Variants in LRRC8C observed in about 807,000 individuals in gnomAD.
LRRC8C encodes leucine rich repeat containing 8 VRAC subunit C, also known as volume-regulated anion channel subunit LRRC8C.
A neutral mutation model predicts 55.3 loss-of-function variants in LRRC8C; 20 were observed. That is an observed-to-expected ratio of 0.36 (90% CI 0.25 to 0.53). The LOEUF is 0.53. LRRC8C is among the 20% of genes least tolerant of loss of function. The pLI is 0.92. For missense variants in LRRC8C, 659 were observed against 951.4 expected, an observed-to-expected ratio of 0.69 and a Z score of 4.04; for synonymous variants, 376 against 360.7, an observed-to-expected ratio of 1.04 and a Z score of -0.48.
the LRRC8C span, chr1:89,625,290 T>A: frequency 6.6e-6 from 1 of 152,172 alleles, no homozygotes; most frequent in African/African-American, 2.4e-5. Context: ...TCTTTCCCAA[T>A]CCTCTCATTT....
At chr1:89,657,696 G>A (rs1656988349) in intron 1 of LRRC8C, among the ~76,000 whole-genome samples, 1 of 144,326 alleles carries the variant, frequency 6.9e-6, no homozygotes, top group African/African-American at 2.6e-5. Context: ...AGCTCAGATT[G>A]CGCCACTTAC....
intron 1 of LRRC8C, among the ~76,000 whole-genome samples, chr1:89,685,101 C>CTTTTTTTTTTTT (rs11316114): frequency 2.6e-5 from 2 of 76,164 alleles, no homozygotes; most frequent in African/African-American, 5.1e-5. Flanking sequence ...CTATCTAGTT[C>CTTTTTTTTTTTT]TTTTTTTTTT....
rs529361925 is a variant in LRRC8C, at chr1:89,661,174, A to G, written c.-4-25296A>G. 5.3e-4 allele frequency: 100 copies of G among 188,022 alleles called. No individual in the cohort carries two copies. In the Middle Eastern group the frequency reaches 6.0e-3, roughly 11 times the overall value. 11.6% of individuals were successfully genotyped at this position (188,022 alleles called of 1,614,324 possible). On this transcript the variant is annotated intron_variant, in intron 1 of 2. Coordinates refer to ENST00000370454, the MANE Select transcript of LRRC8C (RefSeq NM_032270.5). ...AAATTGTGTGGATGGCTTCTGGAAG[A>G]CCTTCATTCTAAAGCAGCTTTATAG...
the LRRC8C span, among the ~76,000 whole-genome samples, chr1:89,627,754 CCT>C: frequency 6.6e-6 from 1 of 152,088 alleles, no homozygotes; most frequent in Non-Finnish European, 1.5e-5. Context: ...TTACAATGGG[CCT>C]CTGTTTTCTC....
At chr1:89,636,381 A>T (rs1656282149) in intron 1 of LRRC8C, among the ~76,000 whole-genome samples, 1 of 152,236 alleles carries the variant, frequency 6.6e-6, no homozygotes. Context: ...TCTGATTCTT[A>T]GCATCTTTAA....
chr1:89,633,529 C>T lies in LRRC8C; in HGVS notation c.-5+207C>T, dbSNP rs1401311007. ...TACTGCGGCTCAGGAGCCCGCCAAC[C>T]CCTACCCCACCCAATCCGCGCTAGC... On this transcript the variant is annotated intron_variant, in intron 1 of 2. Transcript: ENST00000370454. 2.0e-5 allele frequency among the ~76,000 whole-genome samples: 3 copies of T among 152,212 alleles called. 1 individual carries two copies. Among genetic ancestry groups the T allele is most frequent in the South Asian group, 4.1e-4 (2 of 4,836 alleles).
intron 1 of LRRC8C, among the ~76,000 whole-genome samples, chr1:89,678,716 G>GAAA (rs1657618910): frequency 4.2e-5 from 6 of 144,354 alleles, no homozygotes; most frequent in East Asian, 2.0e-4. Context: ...AAAAAAAAAC[G>GAAA]AAAGGAAGAA....
chr1:89,674,046 T>C (rs1657488269), intron 1 of LRRC8C, among the ~76,000 whole-genome samples: 1 of 152,248 alleles, frequency 6.6e-6, no homozygotes, highest in African/African-American at 2.4e-5. Flanking sequence ...TTCTTTGTGA[T>C]GACTTTTCAG....
chr1:89,616,405 C>A, the LRRC8C span, among the ~76,000 whole-genome samples: 2 of 152,136 alleles, frequency 1.3e-5, no homozygotes, highest in African/African-American at 2.4e-5. Flanking sequence ...CAAGTGTGCC[C>A]GAGGCAACTG....
intron 1 of LRRC8C, among the ~76,000 whole-genome samples, chr1:89,633,581 C>T (rs1329844090): frequency 6.6e-6 from 1 of 152,216 alleles, no homozygotes; most frequent in African/African-American, 2.4e-5. Flanking sequence ...GGATCTCAGC[C>T]TGGCGCCCAA....
the LRRC8C span, among the ~76,000 whole-genome samples, chr1:89,626,999 A>G: frequency 6.7e-6 from 1 of 150,360 alleles, no homozygotes; most frequent in African/African-American, 2.5e-5. Flanking sequence ...ACACACACAC[A>G]CACACACACG....
intron 1 of LRRC8C, among the ~76,000 whole-genome samples, chr1:89,642,305 A>T (rs555505495): frequency 7.9e-5 from 12 of 152,286 alleles, no homozygotes. Context: ...TCCAGGGAGG[A>T]TGTTCTGTGC....
intron 2 of LRRC8C, among the ~76,000 whole-genome samples, chr1:89,688,825 C>T (rs1440603272): frequency 3.9e-5 from 6 of 152,162 alleles, no homozygotes; most frequent in African/African-American, 1.4e-4. Flanking sequence ...TGATAAATGC[C>T]TGGTAGGAAG....
At position 89,714,394 on chromosome 1, in the gene LRRC8C, G is replaced by A; in HGVS notation, c.1824G>A (p.Val608=). The A allele has an allele frequency of 6.2e-7, 1 of 1,614,116 alleles. No individual in the cohort carries two copies. The highest frequency in any genetic ancestry group is 2.2e-5 in the East Asian group (1 of 44,892). The stretch of plus-strand genomic sequence containing the variant: ...ACCTGGAGCGTATTCCTCATGCTGT[G>A]TTCAGCCTACTCAGCCTCCAGGAAT... ...HCDLERIPHA[V]FSLLSLQELD... is the part of the protein sequence containing the mutation. The change falls in exon 3 of 3, where the codon GTG becomes GTA. Residue 608 remains valine, a synonymous_variant. Transcript: ENST00000370454. The surrounding 1 kb of genome is among the most constrained non-coding windows in gnomAD (Gnocchi z 4.6).
chr1:89,617,634 AC>A, the LRRC8C span, among the ~76,000 whole-genome samples: 2 of 152,162 alleles, frequency 1.3e-5, no homozygotes, highest in Non-Finnish European at 2.9e-5. Context: ...GAATTCTGAC[AC>A]TAACTACCAG....
chr1:89,645,989 G>A (rs1434655243), intron 1 of LRRC8C, among the ~76,000 whole-genome samples: 1 of 61,616 alleles, frequency 1.6e-5, no homozygotes, highest in Non-Finnish European at 3.3e-5. Flanking sequence ...AGATAGATAT[G>A]GTTACTTAGA....
intron 1 of LRRC8C, among the ~76,000 whole-genome samples, chr1:89,668,854 A>G (rs546609762): frequency 6.6e-6 from 1 of 152,352 alleles, no homozygotes; most frequent in South Asian, 2.1e-4. Context: ...TGATAACATT[A>G]TATGTCAATT....
the LRRC8C span, among the ~76,000 whole-genome samples, chr1:89,621,297 A>G: frequency 2.0e-4 from 5 of 25,374 alleles, no homozygotes; most frequent in Non-Finnish European, 3.4e-4. Flanking sequence ...CGTCTCTACT[A>G]AAAAAAAAAA....
chr1:89,707,651 A>AGTGTGTGTGTGT (rs34052147), intron 2 of LRRC8C, among the ~76,000 whole-genome samples: 2 of 140,036 alleles, frequency 1.4e-5, no homozygotes, highest in African/African-American at 3.1e-5. Context: ...TGTGTGTGTG[A>AGTGTGTGTGTGT]GTGTGTGTGT....
Sources: gnomAD v4.1 joint callset for allele counts (sites outside exome capture counted in the v4.1 genomes callset) on GRCh38, gnomAD v4.1.1 for gene constraint, Gnocchi (gnomAD v3.1) non-coding constraint, MANE v1.5 for transcripts, NCBI Gene and HGNC (gene_info 2026-07-23, HGNC 2026-07-21) for gene names.